The following ATRN variants were observed in gnomAD, a reference collection of about 807,000 sequenced individuals.
ATRN encodes the protein attractin-2.
A neutral mutation model predicts 178.7 loss-of-function variants in ATRN; 54 were observed. The observed-to-expected ratio is 0.30, with a 90% CI of 0.24 to 0.38. The LOEUF (loss-of-function observed/expected upper bound fraction) is 0.38, where lower values mean the gene tolerates loss of function less well. Ranked by LOEUF, ATRN falls within the 10% of genes least tolerant of loss-of-function variation. ATRN has a pLI of 1.00. For synonymous variants in ATRN, 636 were observed against 663.0 expected, an observed-to-expected ratio of 0.96 and a Z score of 0.63; for missense variants, 1,443 against 1,815.1, an observed-to-expected ratio of 0.79 and a Z score of 3.73.
chr20:3,644,748 T>C (rs567862403), intron 28 of ATRN, among the ~76,000 whole-genome samples: 92 of 152,328 alleles, frequency 6.0e-4, no homozygotes, highest in Admixed American at 1.6e-3. Context: ...CCTGCATTTC[T>C]TTTGCTTTTT....
chr20:3,487,433 A>G (rs996776181), intron 1 of ATRN, among the ~76,000 whole-genome samples: 3 of 152,064 alleles, frequency 2.0e-5, no homozygotes, highest in Admixed American at 1.3e-4. Flanking sequence ...GGGTTTCACC[A>G]TCTTGGCCAG....
intron 14 of ATRN, 66 bp from the exon 15 acceptor site, chr20:3,578,516 C>A: frequency 7.2e-7 from 1 of 1,383,798 alleles, no homozygotes; most frequent in Non-Finnish European, 9.8e-7. Context: ...GTAATTTGAA[C>A]TCATAATACA....
At chr20:3,520,487 G>A (rs1309492714) in intron 1 of ATRN, among the ~76,000 whole-genome samples, 1 of 152,100 alleles carries the variant, frequency 6.6e-6, no homozygotes, top group Non-Finnish European at 1.5e-5. Context: ...TGAAATGAAT[G>A]ACAACTTTTT....
intron 10 of ATRN, 60 bp downstream of exon 10, chr20:3,563,423 T>C: frequency 6.7e-7 from 1 of 1,500,358 alleles, no homozygotes. Flanking sequence ...ATAAGCAGCA[T>C]TTAAAAGGAG....
intron 1 of ATRN, among the ~76,000 whole-genome samples, chr20:3,518,329 C>T (rs1033825470): frequency 2.0e-4 from 30 of 152,126 alleles, no homozygotes; most frequent in Non-Finnish European, 4.1e-4. Context: ...AAAACCTTCC[C>T]GAGGAAAAAG....
chr20:3,490,030 G>A (rs1470547181), intron 1 of ATRN: 8 of 1,024,316 alleles, frequency 7.8e-6, no homozygotes, highest in Non-Finnish European at 1.2e-5. Context: ...CTGAGAGTCA[G>A]AGTATTCATA....
At chr20:3,556,142 A>T (rs1197695897) in intron 6 of ATRN, among the ~76,000 whole-genome samples, 1 of 152,252 alleles carries the variant, frequency 6.6e-6, no homozygotes, top group East Asian at 1.9e-4. Flanking sequence ...TGGGAAAAAA[A>T]CCAGAAAAGC....
intron 12 of ATRN, among the ~76,000 whole-genome samples, chr20:3,574,301 C>T (rs2086173127): frequency 6.6e-6 from 1 of 152,162 alleles, no homozygotes; most frequent in Non-Finnish European, 1.5e-5. Context: ...CACTTGAGCC[C>T]AGGAGTCTAA....
chr20:3,639,445 G>T (rs1394395274), intron 27 of ATRN, among the ~76,000 whole-genome samples: 3 of 152,084 alleles, frequency 2.0e-5, no homozygotes, highest in Non-Finnish European at 4.4e-5. Flanking sequence ...TGGAGATGGG[G>T]TTTCACCATG....
At chr20:3,520,786 C>T (rs750259164) in intron 1 of ATRN, among the ~76,000 whole-genome samples, 5 of 152,056 alleles carry the variant, frequency 3.3e-5, no homozygotes, top group African/African-American at 4.8e-5. Context: ...CATGAGCCAG[C>T]GTACCTGGCC....
rs2084420264 is a variant in ATRN at position 3,471,414 on chromosome 20, C to T, written c.307C>T (p.Arg103Trp). Reference protein sequence around the residue: ...SAAAEAKECDRPCVNGGRCNP... With the variant: ...SAAAEAKECDWPCVNGGRCNP... ...CGCAGCCGAGGCCAAGGAATGTGAC[C>T]GGCCCTGTGTCAACGGCGGTCGCTG... Residue 103 changes from arginine to tryptophan, a missense_variant, in exon 1 of 29, where the codon CGG (arginine) becomes TGG (tryptophan). Transcript: ENST00000262919. 2.0e-6 allele frequency: 3 copies of T among 1,484,588 alleles called. No homozygotes were observed. The highest frequency in any genetic ancestry group is 2.7e-6 in the Non-Finnish European group (3 of 1,125,922). The allele number at this position is 1,484,588 out of a possible 1,614,324, so 92.0% of individuals were successfully genotyped here.
At chr20:3,561,105 A>G (rs1600107640) in intron 8 of ATRN, among the ~76,000 whole-genome samples, 200 bp downstream of exon 8, 1 of 152,030 alleles carries the variant, frequency 6.6e-6, no homozygotes, top group South Asian at 2.1e-4. Flanking sequence ...CGGATCACCT[A>G]AGGTCAGGAG....
chr20:3,565,108 A>G (rs2086013741), intron 10 of ATRN, among the ~76,000 whole-genome samples: 1 of 152,124 alleles, frequency 6.6e-6, no homozygotes, highest in Non-Finnish European at 1.5e-5. Context: ...TGAGTGATCC[A>G]GATGTCATGG....
chr20:3,507,694 ATTTT>A (rs55823401), intron 1 of ATRN, among the ~76,000 whole-genome samples: 13 of 114,674 alleles, frequency 1.1e-4, no homozygotes, highest in African/African-American at 3.0e-4. Context: ...AGTTAAAAAT[ATTTT>A]TTTTTTTTTT....
chr20:3,514,536 G>T (rs1811297659), intron 1 of ATRN, among the ~76,000 whole-genome samples: 1 of 152,120 alleles, frequency 6.6e-6, no homozygotes. Context: ...ATTTAAGGTT[G>T]ATTTAATATT....
intron 19 of ATRN, among the ~76,000 whole-genome samples, chr20:3,593,713 A>G (rs889565633): frequency 3.3e-5 from 5 of 152,124 alleles, no homozygotes; most frequent in African/African-American, 9.7e-5. Context: ...CAAAGGATTT[A>G]TTTTTAAAGC....
At chr20:3,519,964 A>G (rs539906526) in intron 1 of ATRN, among the ~76,000 whole-genome samples, 1 of 152,350 alleles carries the variant, frequency 6.6e-6, no homozygotes, top group East Asian at 1.9e-4. Context: ...ATAAATTCAG[A>G]GTATACCACT....
intron 27 of ATRN, among the ~76,000 whole-genome samples, chr20:3,642,913 A>T (rs1241444663): frequency 1.3e-5 from 2 of 152,210 alleles, no homozygotes; most frequent in African/African-American, 4.8e-5. Flanking sequence ...TGGAAACATG[A>T]GAAGGACTTG....
chr20:3,628,354 G>A (rs1021668305), intron 25 of ATRN, among the ~76,000 whole-genome samples: 1 of 152,184 alleles, frequency 6.6e-6, no homozygotes, highest in African/African-American at 2.4e-5. Context: ...ATGGTAGAAT[G>A]TTAGAAGTTT....
Sources: allele counts gnomAD v4.1 joint callset (sites outside exome capture counted in the v4.1 genomes callset), GRCh38; gene constraint gnomAD v4.1.1; transcripts MANE v1.5; gene names NCBI Gene and HGNC (gene_info 2026-07-23, HGNC 2026-07-21).